Variants in PARVB observed in about 807,000 individuals in gnomAD.
The protein encoded by PARVB is beta-parvin.
In PARVB, 46 loss-of-function variants were observed where a neutral mutation model predicts 47.0. The ratio of observed to expected loss-of-function variants is 0.98; its 90% confidence interval spans 0.77 to 1.25. The LOEUF is 1.25. PARVB is among the 50% of genes most tolerant of loss of function. The probability of loss-of-function intolerance (pLI) is 0.00; values close to 1 mark genes in which losing one functional copy is unlikely to be tolerated. For missense variants in PARVB, 473 were observed against 471.6 expected, an observed-to-expected ratio of 1.00 and a Z score of -0.03; for synonymous variants, 196 against 196.3, an observed-to-expected ratio of 1.00 and a Z score of 0.01.
At chr22:44,050,807 T>C (rs4823188) in intron 1 of PARVB, among the ~76,000 whole-genome samples, 11,955 of 152,232 alleles carry the variant, frequency 0.079, 794 homozygotes, top group East Asian at 0.28. Context: ...CTCACCTGTC[T>C]TGCAGTCTTA....
At chr22:44,070,989 G>A (rs969147745) in intron 1 of PARVB, among the ~76,000 whole-genome samples, 4 of 146,660 alleles carry the variant, frequency 2.7e-5, no homozygotes, top group African/African-American at 5.4e-5. Context: ...AGGACCCCCC[G>A]GCCCCTGCCC....
chr22:44,149,832 A>C (rs555780590), intron 9 of PARVB: 3 of 152,240 alleles, frequency 2.0e-5, no homozygotes, highest in East Asian at 3.9e-4. Context: ...GTAGCTGCTC[A>C]GTAAATTTGA....
chr22:44,096,912 C>G (rs1428113923), intron 2 of PARVB, among the ~76,000 whole-genome samples: 1 of 152,142 alleles, frequency 6.6e-6, no homozygotes, highest in African/African-American at 2.4e-5. Flanking sequence ...AAACCTGAAC[C>G]AGGCCCACCT....
intron 1 of PARVB, among the ~76,000 whole-genome samples, chr22:44,037,715 A>T (rs1398699140): frequency 1.3e-5 from 2 of 152,232 alleles, no homozygotes; most frequent in East Asian, 3.8e-4. Flanking sequence ...AGAATGATTC[A>T]GATGGGAGTC....
intron 1 of PARVB, among the ~76,000 whole-genome samples, chr22:44,064,350 T>C (rs1217948320): frequency 6.6e-6 from 1 of 152,074 alleles, no homozygotes; most frequent in Non-Finnish European, 1.5e-5. Context: ...GTGGAGGCAA[T>C]GTTAGGAAAG....
At chr22:44,134,475 G>C (rs571873331) in intron 6 of PARVB, among the ~76,000 whole-genome samples, 2 of 152,346 alleles carry the variant, frequency 1.3e-5, no homozygotes, top group African/African-American at 4.8e-5. Context: ...GCTTGCACTT[G>C]GGTCCAAGAT....
At chr22:44,158,403 TG>T (rs2053982226) in intron 11 of PARVB, among the ~76,000 whole-genome samples, 1 of 152,190 alleles carries the variant, frequency 6.6e-6, no homozygotes, top group Non-Finnish European at 1.5e-5. Context: ...CCACCACCTG[TG>T]GTTTTCCCTG....
chr22:44,167,380 G>A (rs1292917690), intron 12 of PARVB, among the ~76,000 whole-genome samples: 1 of 152,148 alleles, frequency 6.6e-6, no homozygotes, highest in Non-Finnish European at 1.5e-5. Context: ...AGGGGTGTGA[G>A]GGTTAAGTTC....
intron 12 of PARVB, among the ~76,000 whole-genome samples, chr22:44,165,235 C>T (rs1051327836): frequency 6.6e-6 from 1 of 152,196 alleles, no homozygotes; most frequent in Admixed American, 6.5e-5. Context: ...TGGGCTCAAG[C>T]GATTCGCCCA....
chr22:44,050,834 C>G (rs1273039335), intron 1 of PARVB, among the ~76,000 whole-genome samples: 1 of 152,192 alleles, frequency 6.6e-6, no homozygotes. Flanking sequence ...GAATTAAATG[C>G]AATAACCTGG....
At position 44,049,950 on chromosome 22, in the gene PARVB, T is replaced by G. The variant is rs1247553682; in HGVS notation, c.112+25499T>G. 6.6e-6 allele frequency among the ~76,000 whole-genome samples: 1 copy of G among 152,200 alleles called. No individual in the cohort carries two copies. The highest frequency in any genetic ancestry group is 6.5e-5 in the Admixed American group (1 of 15,282). On this transcript the variant is annotated intron_variant, in intron 1 of 12. Transcript: ENST00000338758. The surrounding 1 kb of genome is among the most constrained non-coding windows in gnomAD (Gnocchi z 4.0). ...GCCTACTTGAGTTTGGGGTTTCTGT[T>G]TTACCTACACTTCCATATTGTGGGC... is the stretch of plus-strand genomic sequence containing the variant.
intron 4 of PARVB, among the ~76,000 whole-genome samples, chr22:44,120,135 G>A (rs1003017221): frequency 3.3e-5 from 5 of 152,220 alleles, no homozygotes; most frequent in African/African-American, 1.2e-4. Flanking sequence ...GAGCCCGGCC[G>A]CGGGGCCTTT....
intron 2 of PARVB, among the ~76,000 whole-genome samples, chr22:44,003,327 G>A (rs1208200912): frequency 2.0e-5 from 3 of 152,168 alleles, no homozygotes; most frequent in African/African-American, 7.2e-5. Context: ...GAAATACTGA[G>A]CGGGCAGAGC....
intron 1 of PARVB, among the ~76,000 whole-genome samples, chr22:44,056,158 A>G (rs964059081): frequency 3.3e-5 from 5 of 152,172 alleles, no homozygotes; most frequent in African/African-American, 1.2e-4. Flanking sequence ...GTGCTGTCCT[A>G]TGACTCGAGT....
intron 1 of PARVB, among the ~76,000 whole-genome samples, chr22:44,073,461 TCTAGC>T (rs1301685372): frequency 6.6e-5 from 10 of 152,124 alleles, no homozygotes; most frequent in African/African-American, 2.4e-4. Flanking sequence ...GCCATTACAC[TCTAGC>T]CTGGGCGACA....
chr22:44,073,480 T>G (rs1304752243), intron 1 of PARVB, among the ~76,000 whole-genome samples: 1 of 151,976 alleles, frequency 6.6e-6, no homozygotes, highest in Non-Finnish European at 1.5e-5. Context: ...GGCGACAGAG[T>G]GAGAGTCAGT....
At chr22:44,060,959 T>TA (rs1355770253) in intron 1 of PARVB, among the ~76,000 whole-genome samples, 1 of 152,206 alleles carries the variant, frequency 6.6e-6, no homozygotes, top group Non-Finnish European at 1.5e-5. Context: ...TTTTTAAAGA[T>TA]ACGTTATTTA....
intron 8 of PARVB, chr22:44,147,596 G>A (rs1473574560): frequency 1.2e-5 from 8 of 651,226 alleles, no homozygotes; most frequent in Non-Finnish European, 2.3e-5. Flanking sequence ...ATATGAGAAG[G>A]TAAAAAGCAG....
At chr22:44,098,881 C>G (rs1183597858) in intron 2 of PARVB, among the ~76,000 whole-genome samples, 1 of 151,996 alleles carries the variant, frequency 6.6e-6, no homozygotes, top group African/African-American at 2.4e-5. Context: ...CACTATGTAG[C>G]CCAGGTTGGT....
Sources: gnomAD v4.1 joint callset for allele counts (sites outside exome capture counted in the v4.1 genomes callset) on GRCh38, gnomAD v4.1.1 for gene constraint, Gnocchi (gnomAD v3.1) non-coding constraint, MANE v1.5 for transcripts, NCBI Gene and HGNC (gene_info 2026-07-23, HGNC 2026-07-21) for gene names.